Variants in ATP1B2 observed in about 807,000 individuals in gnomAD.
The protein encoded by ATP1B2 is ATPase Na+/K+ transporting subunit beta 2, also known as sodium/potassium-transporting ATPase subunit beta-2.
A neutral mutation model predicts 37.3 loss-of-function variants in ATP1B2; 12 were observed. The observed-to-expected ratio is 0.32, with a 90% confidence interval of 0.21 to 0.52. The LOEUF is 0.52. Ranked by LOEUF, ATP1B2 falls within the 20% of genes least tolerant of loss-of-function variation. The probability of loss-of-function intolerance (pLI) is 0.96; values close to 1 mark genes in which losing one functional copy is unlikely to be tolerated. For missense variants in ATP1B2, 324 were observed against 391.6 expected (o/e 0.83, Z 1.46); for synonymous variants, 139 against 140.5 (o/e 0.99, Z 0.07).
At chr17:7,650,751 G>T (rs1206145867), upstream of ATP1B2, among the ~76,000 whole-genome samples, 1 of 152,018 alleles carries the variant, frequency 6.6e-6, no homozygotes, top group Non-Finnish European at 1.5e-5. Context: ...GGGTAATGGA[G>T]AGACAGCTAG....
At chr17:7,649,796 G>A (rs2072598459), upstream of ATP1B2, among the ~76,000 whole-genome samples, 1 of 151,792 alleles carries the variant, frequency 6.6e-6, no homozygotes, top group South Asian at 2.1e-4. Context: ...CTGACCTCGT[G>A]ATCCACCCAC....
Position 7,651,139 on chromosome 17 carries a change from G to T in ATP1B2, c.-380G>T. ...ACCTCTCTCTGCCTTTTTGTACCCCGCTTTTTTTCTGCGTTCTGCTCGGTT... is the reference window on the plus strand; with the variant it reads ...ACCTCTCTCTGCCTTTTTGTACCCCTCTTTTTTTCTGCGTTCTGCTCGGTT... On this transcript the variant is annotated 5_prime_UTR_variant, in exon 1 of 7. Transcript: ENST00000250111. 1 of 216,028 alleles carries T rather than the reference G, an allele frequency of 4.6e-6. No individual in the cohort carries two copies. The highest frequency in any genetic ancestry group is 9.4e-6 in the Non-Finnish European group (1 of 106,458). 13.4% of individuals were successfully genotyped at this position (216,028 alleles called of 1,614,324 possible).
At position 7,651,561 on chromosome 17, in the gene ATP1B2, G is replaced by A. The variant is rs1328673216; in HGVS notation, c.43G>A (p.Glu15Lys). The A allele has an allele frequency of 1.2e-6, 2 of 1,608,382 alleles. No individual in the cohort carries two copies. The highest frequency in any genetic ancestry group is 2.2e-5 in the East Asian group (1 of 44,580). The part of the protein sequence containing the change: ...KEKKSCGQVV[E>K]EWKEFVWNPR... ...GAAGAAGAGCTGCGGGCAGGTGGTT[G>A]AGGAGTGGAAGGAGTTCGTGTGGAA... The change falls in exon 1 of 7, where the codon GAG (glutamate) becomes AAG (lysine). Residue 15 changes from glutamate (E) to lysine (K), a missense_variant. Coordinates refer to ENST00000250111, the MANE Select transcript of ATP1B2 (RefSeq NM_001678.5).
In ATP1B2 at chr17:7,651,655, G is replaced by T. The variant is rs746842096; in HGVS notation, c.112+25G>T. ...GGTACGCAGGGCCGGCACGCAAGGG[G>T]CGGGGGAAAGCCGCGGGGCGACGCC... On this transcript the variant is annotated intron_variant, in intron 1 of 6. Coordinates refer to ENST00000250111, the MANE Select transcript of ATP1B2 (RefSeq NM_001678.5). 15 of 1,561,062 alleles carry T rather than the reference G, an allele frequency of 9.6e-6. No homozygotes were observed. The African/African-American group carries it at 2.1e-4, about 22-fold the overall frequency.
In ATP1B2 at chr17:7,654,148, G is replaced by A. The variant is rs148893862; in HGVS notation, c.443G>A (p.Arg148His). ...PDNGVLNYPKRACQFNRTQLG... is the reference protein window; with the variant it reads ...PDNGVLNYPKHACQFNRTQLG... ...AATGGAGTCCTCAACTACCCCAAAC[G>A]TGCCTGCCAATTCAACCGGACCCAG... Residue 148 changes from arginine to histidine, a missense_variant, in exon 4 of 7, where the codon CGT (arginine) becomes CAT (histidine). Transcript: ENST00000250111. This position sits in a 1 kb window ranked among gnomAD's most constrained non-coding sequence, Gnocchi z 4.9. 4.2e-5 allele frequency: 68 copies of A among 1,614,156 alleles called. No individual in the cohort carries two copies. The African/African-American group carries it at 6.8e-4, about 16-fold the overall frequency.
rs1262914096 is a variant in ATP1B2 at position 7,655,842 on chromosome 17, C to A, written c.820C>A (p.Arg274=). The A allele has an allele frequency of 6.2e-7, 1 of 1,614,066 alleles. No homozygotes were observed. The highest frequency in any genetic ancestry group is 1.7e-5 in the Admixed American group (1 of 60,002). The part of the protein sequence containing the change: ...NAANIATDDE[R]DKFAGRVAFK... Reference sequence around the variant, plus strand: ...CGCCAACATCGCCACAGACGATGAGCGAGACAAGTTCGCCGGCCGCGTGGC... The same window carrying A: ...CGCCAACATCGCCACAGACGATGAGAGAGACAAGTTCGCCGGCCGCGTGGC... Residue 274 remains arginine (R), a synonymous_variant, in exon 7 of 7, where the codon CGA becomes AGA. Transcript: ENST00000250111. This position sits in a 1 kb window ranked among gnomAD's most constrained non-coding sequence, Gnocchi z 4.4.
intron 1 of ATP1B2, among the ~76,000 whole-genome samples, chr17:7,652,064 C>G (rs1464516594): frequency 1.3e-5 from 2 of 151,946 alleles, no homozygotes; most frequent in African/African-American, 4.8e-5. Flanking sequence ...GGGGGCGGGT[C>G]TTGGGGGGTG....
Position 7,655,577 on chromosome 17 carries a change from C to T in ATP1B2, c.660C>T (p.Asn220=), listed in dbSNP as rs117613045. 0.025 allele frequency: 40,446 copies of T among 1,614,152 alleles called. 620 individuals are homozygous for T. The highest frequency in any genetic ancestry group is 0.028 in the Non-Finnish European group (33,365 of 1,180,022). ...GCAACTTCGTCATGTTCCCCGCCAACGGCAACATCGACCTCATGTACTTCC... is the reference window on the plus strand; with the variant it reads ...GCAACTTCGTCATGTTCCCCGCCAATGGCAACATCGACCTCATGTACTTCC... ...NLGNFVMFPA[N]GNIDLMYFPY... is the part of the protein sequence containing the mutation. The change falls in exon 6 of 7, where the codon AAC becomes AAT. Residue 220 remains asparagine, a synonymous_variant. Coordinates refer to ENST00000250111, the MANE Select transcript of ATP1B2 (RefSeq NM_001678.5). This position sits in a 1 kb window ranked among gnomAD's most constrained non-coding sequence, Gnocchi z 4.4.
chr17:7,652,438 CAG>C (rs1349867310), intron 1 of ATP1B2, among the ~76,000 whole-genome samples: 3 of 152,098 alleles, frequency 2.0e-5, no homozygotes, highest in East Asian at 3.9e-4. Flanking sequence ...CGTTGAGACA[CAG>C]GGGACAGAGG....
upstream of ATP1B2, among the ~76,000 whole-genome samples, chr17:7,647,691 C>T (rs552969880): frequency 7.2e-5 from 11 of 151,860 alleles, no homozygotes; most frequent in African/African-American, 2.4e-4. Context: ...TGGTTGTGCA[C>T]GCCTGTAATC....
At chr17:7,652,557 G>A (rs976686189) in intron 1 of ATP1B2, among the ~76,000 whole-genome samples, 39 of 152,168 alleles carry the variant, frequency 2.6e-4, no homozygotes, top group African/African-American at 8.4e-4. Context: ...ATTCCCTCAG[G>A]GAACTCAAAC....
chr17:7,655,914 C>A lies in ATP1B2; in HGVS notation c.*19C>A. 1 of 1,613,174 alleles carries A rather than the reference C, an allele frequency of 6.2e-7. No individual in the cohort carries two copies. Among genetic ancestry groups the A allele is most frequent in the Non-Finnish European group, 8.5e-7 (1 of 1,179,564 alleles). ...AACCTGAGGCCCCTTCCTCCCACCCCATCTCTCTCCTGTGGATGCTCCTGG... is the reference window on the plus strand; with the variant it reads ...AACCTGAGGCCCCTTCCTCCCACCCAATCTCTCTCCTGTGGATGCTCCTGG... On this transcript the variant is annotated 3_prime_UTR_variant, in exon 7 of 7. Transcript: ENST00000250111. This position sits in a 1 kb window ranked among gnomAD's most constrained non-coding sequence, Gnocchi z 4.4.
chr17:7,652,956 C>T (rs929910084), intron 1 of ATP1B2, among the ~76,000 whole-genome samples: 8 of 152,114 alleles, frequency 5.3e-5, no homozygotes, highest in Admixed American at 1.3e-4. Context: ...CCAGTCTCTG[C>T]GGGGTGGTAT....
At chr17:7,653,583 C>T in intron 2 of ATP1B2, 81 bp downstream of exon 2, 1 of 1,560,050 alleles carries the variant, frequency 6.4e-7, no homozygotes, top group Non-Finnish European at 8.6e-7. Flanking sequence ...ATAGTTCCTT[C>T]CAGGAGTTTG....
Position 7,654,907 on chromosome 17 carries a change from C to A in ATP1B2, c.609+223C>A. On this transcript the variant is annotated intron_variant, in intron 5 of 6. Coordinates refer to ENST00000250111, the MANE Select transcript of ATP1B2 (RefSeq NM_001678.5). The surrounding 1 kb of genome is among the most constrained non-coding windows in gnomAD (Gnocchi z 4.9). ...TCTCTCTGGGATGCAGAGGCCTGCTCTCCTAGGGGCCAGACACACGCCCTC... is the reference window on the plus strand; with the variant it reads ...TCTCTCTGGGATGCAGAGGCCTGCTATCCTAGGGGCCAGACACACGCCCTC... 1.8e-6 allele frequency: 1 copy of A among 557,268 alleles called. No homozygotes were observed. 34.5% of individuals were successfully genotyped at this position (557,268 alleles called of 1,614,324 possible).
chr17:7,653,873 G>C lies in ATP1B2; in HGVS notation c.274G>C (p.Asp92His), dbSNP rs748315533. The C allele has an allele frequency of 6.2e-7, 1 of 1,614,130 alleles. No homozygotes were observed. The highest frequency in any genetic ancestry group is 1.1e-5 in the South Asian group (1 of 91,076). The change falls in exon 3 of 7, where the codon GAT becomes CAT. Residue 92 changes from aspartate to histidine, a missense_variant. Transcript: ENST00000250111. The part of the protein sequence containing the change: ...LMIRPKTENL[D>H]VIVNVSDTES... ...GATTCGCCCCAAGACTGAGAACCTT[G>C]ATGTCATTGTCAATGTCAGTGACAC...
chr17:7,648,015 TGAGTCCAG>T (rs1311564784), upstream of ATP1B2, among the ~76,000 whole-genome samples: 2 of 151,982 alleles, frequency 1.3e-5, no homozygotes, highest in Non-Finnish European at 2.9e-5. Context: ...GTGGATCCCT[TGAGTCCAG>T]GAGTCCAGGA....
chr17:7,651,749 G>T (rs985446784), intron 1 of ATP1B2, 119 bp downstream of exon 1: 7 of 869,824 alleles, frequency 8.0e-6, no homozygotes, highest in Non-Finnish European at 1.2e-5. Context: ...CAGCCTCCCT[G>T]CCGGGCTCTG....
At chr17:7,649,515 G>A (rs1461858915), upstream of ATP1B2, among the ~76,000 whole-genome samples, 1 of 151,700 alleles carries the variant, frequency 6.6e-6, no homozygotes, top group African/African-American at 2.4e-5. Context: ...AGCCTCCTGA[G>A]TAGCTGGGAC....
Sources: allele counts gnomAD v4.1 joint callset (sites outside exome capture counted in the v4.1 genomes callset), GRCh38; gene constraint gnomAD v4.1.1; non-coding constraint Gnocchi (gnomAD v3.1); transcripts MANE v1.5; gene names NCBI Gene and HGNC (gene_info 2026-07-23, HGNC 2026-07-21).